The following PHACTR3 variants were observed in gnomAD, a reference collection of about 807,000 sequenced individuals.
PHACTR3 encodes protein phosphatase 1, regulatory subunit 123.
In PHACTR3, 16 loss-of-function variants were observed where a neutral mutation model predicts 66.8. The ratio of observed to expected loss-of-function variants is 0.24; its 90% CI spans 0.16 to 0.36. The LOEUF is 0.36. Ranked by LOEUF, PHACTR3 falls within the 10% of genes least tolerant of loss-of-function variation. The probability of loss-of-function intolerance (pLI) is 1.00; values close to 1 mark genes in which losing one functional copy is unlikely to be tolerated. For missense variants in PHACTR3, 647 were observed against 719.9 expected, an observed-to-expected ratio of 0.90 and a Z score of 1.16; for synonymous variants, 323 against 292.1, an observed-to-expected ratio of 1.11 and a Z score of -1.08.
intron 1 of PHACTR3, among the ~76,000 whole-genome samples, chr20:59,725,581 C>G (rs761951073): frequency 6.6e-5 from 10 of 152,144 alleles, no homozygotes; most frequent in Non-Finnish European, 1.5e-4. Flanking sequence ...GGAGGTGACC[C>G]TGGAATGAGG....
At chr20:59,614,919 T>C (rs2146352125) in intron 1 of PHACTR3, among the ~76,000 whole-genome samples, 1 of 152,260 alleles carries the variant, frequency 6.6e-6, no homozygotes, top group East Asian at 1.9e-4. Flanking sequence ...GTGAGTCAAA[T>C]GGTTGCTGAC....
chr20:59,783,796 G>A (rs1381049379), intron 7 of PHACTR3, among the ~76,000 whole-genome samples: 1 of 152,238 alleles, frequency 6.6e-6, no homozygotes, highest in Non-Finnish European at 1.5e-5. Flanking sequence ...GGAGCCCCCA[G>A]GAGGTGATTT....
chr20:59,700,268 C>T (rs372518723), intron 1 of PHACTR3, among the ~76,000 whole-genome samples: 2 of 152,224 alleles, frequency 1.3e-5, no homozygotes, highest in East Asian at 1.9e-4. Context: ...TTCTTCTCCA[C>T]TGCCCTGTTG....
intron 1 of PHACTR3, among the ~76,000 whole-genome samples, chr20:59,727,699 T>A (rs989042025): frequency 6.6e-6 from 1 of 152,208 alleles, no homozygotes; most frequent in African/African-American, 2.4e-5. Flanking sequence ...ATTCAAACAT[T>A]TTAAGTCTGA....
intron 1 of PHACTR3, among the ~76,000 whole-genome samples, chr20:59,635,119 C>A (rs1400409497): frequency 1.4e-5 from 1 of 70,688 alleles, no homozygotes; most frequent in Non-Finnish European, 2.8e-5. Flanking sequence ...TTCTTTCTTT[C>A]TTTCTTTCTT....
At chr20:59,676,081 G>T (rs1296335112) in intron 1 of PHACTR3, among the ~76,000 whole-genome samples, 1 of 152,186 alleles carries the variant, frequency 6.6e-6, no homozygotes, top group Non-Finnish European at 1.5e-5. Context: ...CCTGATCTAA[G>T]ACTTCAGCAG....
chr20:59,831,816 T>C (rs1211890539), intron 8 of PHACTR3, among the ~76,000 whole-genome samples: 1 of 152,184 alleles, frequency 6.6e-6, no homozygotes, highest in Non-Finnish European at 1.5e-5. Flanking sequence ...GCCCATTCCT[T>C]TGCTCCTCGA....
intron 5 of PHACTR3, among the ~76,000 whole-genome samples, chr20:59,771,490 G>A (rs1294119010): frequency 6.6e-6 from 1 of 152,100 alleles, no homozygotes; most frequent in Non-Finnish European, 1.5e-5. Context: ...TCCCTCTGCA[G>A]AGCAGCCTTT....
intron 1 of PHACTR3, among the ~76,000 whole-genome samples, chr20:59,675,066 C>G (rs537936656): frequency 8.2e-6 from 1 of 121,352 alleles, no homozygotes; most frequent in East Asian, 2.6e-4. Context: ...CTCCTTTTCC[C>G]CCTCTCTTTT....
chr20:59,763,185 G>T (rs973464476), intron 4 of PHACTR3, among the ~76,000 whole-genome samples: 2 of 152,174 alleles, frequency 1.3e-5, no homozygotes, highest in Non-Finnish European at 2.9e-5. Flanking sequence ...GGTTTTATAA[G>T]AGACTCTTCC....
rs1464433415 is a variant in PHACTR3 at position 59,761,372 on chromosome 20, GC to G, written c.542-5812del. On this transcript the variant is annotated intron_variant, in intron 4 of 12. Coordinates refer to ENST00000371015, the MANE Select transcript of PHACTR3 (RefSeq NM_080672.5). ...AGGAACCTCATCTGGGAGTTGGTGA[GC>G]CACCTGGCCCACAGCCAGCTGCCCA... 2.6e-5 allele frequency among the ~76,000 whole-genome samples: 4 copies of G among 152,154 alleles called. 1 individual carries two copies. The highest frequency in any genetic ancestry group is 5.9e-5 in the Non-Finnish European group (4 of 68,034).
chr20:59,821,227 A>C lies in PHACTR3; in HGVS notation c.1328+15033A>C, dbSNP rs190990164. Among the ~76,000 whole-genome samples the C allele has an allele frequency of 4.5e-3, 692 of 152,316 alleles. 3 individuals are homozygous for C. The highest frequency in any genetic ancestry group is 7.8e-3 in the Admixed American group (119 of 15,296). ...AGCTAGTGGAGCTGAGATGTGACCCAGGTGGGCCGACTCCAGACCGCACGT... is the reference window on the plus strand; with the variant it reads ...AGCTAGTGGAGCTGAGATGTGACCCCGGTGGGCCGACTCCAGACCGCACGT... On this transcript the variant is annotated intron_variant, in intron 8 of 12. Transcript: ENST00000371015.
chr20:59,596,262 A>G (rs1296450849), intron 1 of PHACTR3, among the ~76,000 whole-genome samples: 1 of 152,186 alleles, frequency 6.6e-6, no homozygotes, highest in African/African-American at 2.4e-5. Flanking sequence ...CAGTCTCCCA[A>G]GTAAATTACT....
rs371764829 is a variant in PHACTR3 at position 59,767,328 on chromosome 20, C to G, written c.684C>G (p.Leu228=). The G allele has an allele frequency of 7.4e-6, 12 of 1,614,040 alleles. No individual in the cohort carries two copies. The African/African-American group carries it at 1.1e-4, about 14-fold the overall frequency. Residue 228 remains leucine (L), a synonymous_variant, in exon 5 of 13, where the codon CTC becomes CTG. Transcript: ENST00000371015. ...CTCTGGAGAGATCCGTGGGCCAGCT[C>G]CCCAGCCCCCCACTGCTGCCCACTC... is the stretch of plus-strand genomic sequence containing the variant. The part of the protein sequence containing the change: ...PRPLERSVGQ[L]PSPPLLPTPP...
intron 1 of PHACTR3, among the ~76,000 whole-genome samples, chr20:59,740,214 G>T (rs2039102605): frequency 1.3e-5 from 2 of 152,096 alleles, no homozygotes; most frequent in Admixed American, 1.3e-4. Flanking sequence ...ATAAAGTCTA[G>T]ACATATAGAT....
At chr20:59,592,086 C>A (rs548332302) in intron 1 of PHACTR3, among the ~76,000 whole-genome samples, 3 of 152,066 alleles carry the variant, frequency 2.0e-5, no homozygotes, top group Non-Finnish European at 4.4e-5. Context: ...TGTATGCTCC[C>A]GCACACCTTG....
chr20:59,791,184 C>T (rs895324707), intron 7 of PHACTR3, among the ~76,000 whole-genome samples: 1 of 152,132 alleles, frequency 6.6e-6, no homozygotes, highest in African/African-American at 2.4e-5. Context: ...GCTCCGCCAT[C>T]ATGGATGGGA....
intron 1 of PHACTR3, among the ~76,000 whole-genome samples, chr20:59,726,475 G>A (rs894701294): frequency 2.6e-5 from 4 of 152,156 alleles, no homozygotes; most frequent in African/African-American, 9.6e-5. Flanking sequence ...CAAGACGCAG[G>A]CAAACGGAAA....
chr20:59,822,492 C>A (rs2042077237), intron 8 of PHACTR3, among the ~76,000 whole-genome samples: 2 of 151,446 alleles, frequency 1.3e-5, no homozygotes, highest in East Asian at 2.0e-4. Context: ...TGGCTAGACA[C>A]GGGAAGGGCT....
Sources: allele counts gnomAD v4.1 joint callset (sites outside exome capture counted in the v4.1 genomes callset), GRCh38; gene constraint gnomAD v4.1.1; transcripts MANE v1.5; gene names NCBI Gene and HGNC (gene_info 2026-07-23, HGNC 2026-07-21).